The following CCDC93 variants were observed in gnomAD, a reference collection of about 807,000 sequenced individuals.
The protein encoded by CCDC93 is CCC complex scaffolding subunit CCDC93.
CCDC93 carries 61 observed loss-of-function variants against 108.2 expected under a neutral mutation model. The ratio of observed to expected loss-of-function variants is 0.56; its 90% CI spans 0.46 to 0.70. The LOEUF (loss-of-function observed/expected upper bound fraction) is 0.70. Among genes scored for constraint, CCDC93 ranks in the 30% least tolerant of loss-of-function variants. The probability of loss-of-function intolerance (pLI) is 0.00; values close to 1 mark genes in which losing one functional copy is unlikely to be tolerated. For missense variants in CCDC93, 685 were observed against 764.2 expected (o/e 0.90, Z 1.22); for synonymous variants, 276 against 260.4 (o/e 1.06, Z -0.58).
chr2:117,944,335 C>T (rs1678800731), intron 17 of CCDC93, among the ~76,000 whole-genome samples: 1 of 152,160 alleles, frequency 6.6e-6, no homozygotes, highest in Admixed American at 6.5e-5. Context: ...AGTGAAGTAA[C>T]CTCCAAATGT....
intron 13 of CCDC93, 200 bp from the exon 14 acceptor site, chr2:117,949,595 A>C (rs529225247): frequency 7.6e-6 from 2 of 263,826 alleles, no homozygotes; most frequent in East Asian, 3.5e-4. Context: ...GCTCTTTTAC[A>C]ATGATCTCTA....
intron 11 of CCDC93, among the ~76,000 whole-genome samples, chr2:117,966,016 A>G (rs1679557189): frequency 1.3e-5 from 2 of 152,268 alleles, no homozygotes; most frequent in African/African-American, 4.8e-5. Context: ...ACGTGAAGGC[A>G]ACTACTAAGA....
chr2:117,978,145 G>C, intron 7 of CCDC93, 115 bp from the exon 8 acceptor site: 1 of 939,302 alleles, frequency 1.1e-6, no homozygotes, highest in Non-Finnish European at 1.7e-6. Flanking sequence ...TATGCCATTT[G>C]GTGACTTGAG....
At chr2:117,926,651 C>T (rs1399318681) in intron 23 of CCDC93, among the ~76,000 whole-genome samples, 1 of 152,134 alleles carries the variant, frequency 6.6e-6, no homozygotes, top group African/African-American at 2.4e-5. Flanking sequence ...AAAAAAAGTC[C>T]AGGACCAGAT....
At chr2:117,924,301 G>A (rs1391298389) in intron 23 of CCDC93, among the ~76,000 whole-genome samples, 7 of 152,218 alleles carry the variant, frequency 4.6e-5, no homozygotes, top group Non-Finnish European at 8.8e-5. Flanking sequence ...TGAGTTGAGA[G>A]AAGAACGCTT....
intron 17 of CCDC93, among the ~76,000 whole-genome samples, chr2:117,944,330 A>G (rs1482834142): frequency 6.6e-6 from 1 of 151,726 alleles, no homozygotes; most frequent in Non-Finnish European, 1.5e-5. Context: ...TCTTAAGTGA[A>G]GTAACCTCCA....
At chr2:117,978,737 C>A (rs1017624469) in intron 7 of CCDC93, among the ~76,000 whole-genome samples, 1 of 152,132 alleles carries the variant, frequency 6.6e-6, no homozygotes, top group Non-Finnish European at 1.5e-5. Flanking sequence ...CTGGCTCACG[C>A]CTGCAAAGTG....
chr2:117,933,239 G>T (rs1678403275), intron 22 of CCDC93, among the ~76,000 whole-genome samples: 1 of 152,162 alleles, frequency 6.6e-6, no homozygotes, highest in Admixed American at 6.5e-5. Flanking sequence ...CCATCACCTG[G>T]TCTATAGTAG....
chr2:117,928,933 A>G (rs1165096188), intron 23 of CCDC93, among the ~76,000 whole-genome samples: 1 of 152,218 alleles, frequency 6.6e-6, no homozygotes, highest in Non-Finnish European at 1.5e-5. Context: ...TGCAGCCATA[A>G]AAAAGGATGA....
intron 12 of CCDC93, among the ~76,000 whole-genome samples, chr2:117,954,385 A>G (rs1679154242): frequency 1.3e-5 from 2 of 152,196 alleles, no homozygotes; most frequent in Non-Finnish European, 2.9e-5. Context: ...GGGAAGTAAG[A>G]GCTTTCTAAG....
intron 10 of CCDC93, among the ~76,000 whole-genome samples, chr2:117,974,436 C>T (rs1679866440): frequency 6.6e-6 from 1 of 152,172 alleles, no homozygotes; most frequent in Non-Finnish European, 1.5e-5. Context: ...AAGAATGATC[C>T]TTTCACATTG....
chr2:117,995,367 G>C, intron 6 of CCDC93, 79 bp downstream of exon 6: 4 of 1,096,828 alleles, frequency 3.6e-6, no homozygotes, highest in Non-Finnish European at 5.6e-6. Flanking sequence ...AGCCTCAGGA[G>C]CAGCGCTTTT....
chr2:117,927,955 G>A (rs190365186), intron 23 of CCDC93, among the ~76,000 whole-genome samples: 247 of 152,170 alleles, frequency 1.6e-3, no homozygotes, highest in African/African-American at 5.4e-3. Flanking sequence ...AAATAATGCC[G>A]CACATCTACA....
chr2:117,983,973 G>T (rs1210247850), intron 7 of CCDC93, among the ~76,000 whole-genome samples: 1 of 152,134 alleles, frequency 6.6e-6, no homozygotes, highest in Non-Finnish European at 1.5e-5. Context: ...CAATGATAAT[G>T]ACATGCTTTT....
intron 16 of CCDC93, among the ~76,000 whole-genome samples, chr2:117,946,532 T>A (rs1212456351): frequency 4.6e-5 from 7 of 152,142 alleles, no homozygotes. Flanking sequence ...AGCTCAGACT[T>A]TTCCCAGAAA....
At chr2:117,973,834 T>G in intron 11 of CCDC93, 74 bp downstream of exon 11, 1 of 1,117,650 alleles carries the variant, frequency 8.9e-7, no homozygotes, top group Non-Finnish European at 1.3e-6. Flanking sequence ...GCTGGGGTAG[T>G]GGGGTAAGGA....
rs892969166 is a variant in CCDC93, at chr2:117,918,397, C to CA, written c.*1945dup. The CA allele has an allele frequency of 1.1e-4, 17 of 152,180 alleles. No homozygotes were observed. Among genetic ancestry groups the CA allele is most frequent in the African/African-American group, 3.4e-4 (14 of 41,512 alleles). 9.4% of individuals were successfully genotyped at this position (152,180 alleles called of 1,614,324 possible). ...AATGAAACTCCTATGAAATACAGCT[C>CA]AAAATAAATGCCTGCACTTTCAAAA... is the stretch of plus-strand genomic sequence containing the variant. On this transcript the variant is annotated 3_prime_UTR_variant, in exon 24 of 24. Transcript: ENST00000376300.
At chr2:118,000,213 G>A (rs961364815) in intron 4 of CCDC93, 1 of 152,418 alleles carries the variant, frequency 6.6e-6, no homozygotes, top group Non-Finnish European at 1.5e-5. Context: ...ATGAACTGCT[G>A]TAAGATTCTG....
At chr2:117,982,735 G>A (rs1439887876) in intron 7 of CCDC93, among the ~76,000 whole-genome samples, 1 of 123,546 alleles carries the variant, frequency 8.1e-6, no homozygotes. Context: ...GACTCCTAAA[G>A]CTGTGATGCC....
Sources: gnomAD v4.1 joint callset for allele counts (sites outside exome capture counted in the v4.1 genomes callset) on GRCh38, gnomAD v4.1.1 for gene constraint, MANE v1.5 for transcripts, NCBI Gene and HGNC (gene_info 2026-07-23, HGNC 2026-07-21) for gene names.